MAGI3: variants seen among roughly 807,000 people sequenced by gnomAD.
MAGI3 encodes membrane associated guanylate kinase, WW and PDZ domain containing 3.
MAGI3 carries 43 observed loss-of-function variants against 121.8 expected under a neutral mutation model. The observed-to-expected ratio is 0.35, with a 90% CI of 0.28 to 0.46. The LOEUF is 0.46. MAGI3 is among the 20% of genes least tolerant of loss of function. MAGI3 has a pLI of 1.00. For synonymous variants in MAGI3, 553 were observed against 639.3 expected (o/e 0.86, Z 2.04); for missense variants, 1,547 against 1,797.3 (o/e 0.86, Z 2.52).
intron 8 of MAGI3, 53 bp from the exon 9 acceptor site, chr1:113,622,753 T>G: frequency 7.3e-7 from 1 of 1,366,618 alleles, no homozygotes; most frequent in East Asian, 2.6e-5. Flanking sequence ...CTCTGAGTGC[T>G]ATATTCATTG....
intron 6 of MAGI3, among the ~76,000 whole-genome samples, chr1:113,614,248 C>T (rs528067097): frequency 6.6e-6 from 1 of 152,200 alleles, no homozygotes; most frequent in Admixed American, 6.5e-5. Context: ...TGAACAGATA[C>T]CTGCTTCTTC....
chr1:113,680,042 G>A, intron 19 of MAGI3, among the ~76,000 whole-genome samples: 1 of 152,120 alleles, frequency 6.6e-6, no homozygotes, highest in South Asian at 2.1e-4. Flanking sequence ...CTAAGTTTAT[G>A]CCAGTTACTG....
At chr1:113,649,178 G>A (rs1653017564) in intron 12 of MAGI3, 59 bp from the exon 13 acceptor site, 1 of 1,347,610 alleles carries the variant, frequency 7.4e-7, no homozygotes, top group Non-Finnish European at 1.0e-6. Flanking sequence ...ACTGAACTTT[G>A]TTTTGTTTTA....
chr1:113,598,226 C>A (rs949585440), intron 6 of MAGI3, among the ~76,000 whole-genome samples: 9 of 151,306 alleles, frequency 5.9e-5, no homozygotes, highest in Non-Finnish European at 1.0e-4. Context: ...CCCCCCACCC[C>A]CCCTCCAAAA....
intron 1 of MAGI3, among the ~76,000 whole-genome samples, chr1:113,437,164 C>T (rs1283293899): frequency 6.6e-6 from 1 of 151,840 alleles, no homozygotes; most frequent in Non-Finnish European, 1.5e-5. Flanking sequence ...TGCCCCACTC[C>T]CATGCTTAGC....
At chr1:113,639,588 A>T (rs1652317014) in intron 9 of MAGI3, among the ~76,000 whole-genome samples, 1 of 151,332 alleles carries the variant, frequency 6.6e-6, no homozygotes, top group African/African-American at 2.4e-5. Flanking sequence ...TTTTTTTGAG[A>T]TGGAGTTTTA....
chr1:113,551,030 C>G (rs1344511040), intron 2 of MAGI3, among the ~76,000 whole-genome samples: 1 of 150,966 alleles, frequency 6.6e-6, no homozygotes, highest in Non-Finnish European at 1.5e-5. Flanking sequence ...TTTTTTCCCT[C>G]CCTCCGTGGC....
chr1:113,521,954 T>C (rs1328717934), intron 1 of MAGI3, among the ~76,000 whole-genome samples: 2 of 152,186 alleles, frequency 1.3e-5, no homozygotes, highest in Non-Finnish European at 2.9e-5. Context: ...TTGTTCAGTT[T>C]ATCTTCTAAT....
chr1:113,667,823 T>C (rs975390487), intron 16 of MAGI3, among the ~76,000 whole-genome samples: 2 of 152,168 alleles, frequency 1.3e-5, no homozygotes, highest in African/African-American at 2.4e-5. Context: ...GGGTTATTAA[T>C]TGGCATGATC....
chr1:113,670,325 T>A (rs957663849), intron 16 of MAGI3, among the ~76,000 whole-genome samples: 1 of 152,184 alleles, frequency 6.6e-6, no homozygotes, highest in African/African-American at 2.4e-5. Context: ...AAATAAGCAA[T>A]TTATCTGTGT....
chr1:113,439,437 C>T (rs1390640713), intron 1 of MAGI3, among the ~76,000 whole-genome samples: 1 of 152,186 alleles, frequency 6.6e-6, no homozygotes, highest in African/African-American at 2.4e-5. Context: ...CCTTTCTTAT[C>T]ACCTGGCAAG....
At position 113,641,899 on chromosome 1, in the gene MAGI3, A is replaced by C; in HGVS notation, c.1361-12A>C. Reference sequence around the variant, plus strand: ...TGATTTTAATATTTTTAACATGATTATGTTTTTCCAGGCGATGTTATTGTA... The same window carrying C: ...TGATTTTAATATTTTTAACATGATTCTGTTTTTCCAGGCGATGTTATTGTA... On this transcript the variant is annotated splice_polypyrimidine_tract_variant and intron_variant, in intron 9 of 20. Coordinates refer to ENST00000307546, the MANE Select transcript of MAGI3 (RefSeq NM_001142782.2). The C allele has an allele frequency of 6.5e-7, 1 of 1,549,142 alleles. No individual in the cohort carries two copies. Among genetic ancestry groups the C allele is most frequent in the South Asian group, 1.2e-5 (1 of 80,860 alleles).
Position 113,521,446 on chromosome 1 carries a change from C to T in MAGI3, c.317-28069C>T, listed in dbSNP as rs570452671. Among the ~76,000 whole-genome samples, 7 of 148,238 alleles carry T rather than the reference C, an allele frequency of 4.7e-5. No individual in the cohort carries two copies. In the Middle Eastern group the frequency reaches 0.014, roughly 298 times the overall value. The stretch of plus-strand genomic sequence containing the variant: ...TTTTTAAGATGGGGACTTGCTCTGT[C>T]GCCCAGGCTGGAGTGTAGTGGCGTG... On this transcript the variant is annotated intron_variant, in intron 1 of 20. Transcript: ENST00000307546.
intron 1 of MAGI3, among the ~76,000 whole-genome samples, chr1:113,438,735 C>T (rs1653763571): frequency 1.3e-5 from 2 of 152,354 alleles, no homozygotes; most frequent in South Asian, 2.1e-4. Flanking sequence ...ACTTGTTACT[C>T]ATCACCTCCC....
intron 2 of MAGI3, among the ~76,000 whole-genome samples, chr1:113,578,376 A>G (rs1010667217): frequency 2.6e-5 from 4 of 152,294 alleles, no homozygotes; most frequent in East Asian, 3.9e-4. Flanking sequence ...TCCATCTGTC[A>G]TAGATAATTA....
chr1:113,611,678 T>C lies in MAGI3; in HGVS notation c.1019-2923T>C, dbSNP rs115985944. Among the ~76,000 whole-genome samples the C allele has an allele frequency of 7.0e-3, 1,060 of 152,238 alleles. 6 individuals are homozygous for C. The highest frequency in any genetic ancestry group is 0.012 in the Non-Finnish European group (838 of 68,010). On this transcript the variant is annotated intron_variant, in intron 6 of 20. Coordinates refer to ENST00000307546, the MANE Select transcript of MAGI3 (RefSeq NM_001142782.2). ...TCCTTTATTACTGCTTCCCATAATC[T>C]TTTTCAAATATAAATTAAATCATGT... is the stretch of plus-strand genomic sequence containing the variant.
intron 1 of MAGI3, among the ~76,000 whole-genome samples, chr1:113,401,239 A>G (rs1250452381): frequency 6.6e-6 from 1 of 152,132 alleles, no homozygotes; most frequent in African/African-American, 2.4e-5. Flanking sequence ...AGTTCATTAT[A>G]TCCAAAAAAC....
intron 16 of MAGI3, among the ~76,000 whole-genome samples, chr1:113,659,675 T>A (rs751933425): frequency 1.3e-4 from 20 of 152,236 alleles, no homozygotes; most frequent in Non-Finnish European, 2.5e-4. Flanking sequence ...ACAGTGTGCC[T>A]TTCCTTGGGG....
intron 1 of MAGI3, among the ~76,000 whole-genome samples, chr1:113,458,722 A>G (rs1654890197): frequency 6.6e-6 from 1 of 150,562 alleles, no homozygotes; most frequent in Non-Finnish European, 1.5e-5. Context: ...AGGTCTTACT[A>G]TGTTGCCTAG....
Sources: allele counts gnomAD v4.1 joint callset (sites outside exome capture counted in the v4.1 genomes callset), GRCh38; gene constraint gnomAD v4.1.1; transcripts MANE v1.5; gene names NCBI Gene and HGNC (gene_info 2026-07-23, HGNC 2026-07-21).